CST7: variants seen among roughly 807,000 people sequenced by gnomAD.
CST7 encodes cystatin-F.
CST7 carries 15 observed loss-of-function variants against 13.1 expected under a neutral mutation model. The observed-to-expected ratio is 1.14, with a 90% confidence interval of 0.77 to 1.76. The LOEUF is 1.76. Ranked by LOEUF, CST7 falls within the 40% of genes most tolerant of loss-of-function variation. The pLI is 0.00. For missense variants in CST7, 193 were observed against 178.8 expected, an observed-to-expected ratio of 1.08 and a Z score of -0.45; for synonymous variants, 75 against 66.9, an observed-to-expected ratio of 1.12 and a Z score of -0.59.
chr20:24,953,334 G>C (rs765172370), intron 1 of CST7, among the ~76,000 whole-genome samples: 19 of 152,182 alleles, frequency 1.2e-4, no homozygotes, highest in Admixed American at 2.6e-4. Context: ...CTCGATAGCT[G>C]GAAGGGGCAG....
chr20:24,949,371 C>T lies in CST7; in HGVS notation c.-135C>T. 1 of 1,573,264 alleles carries T rather than the reference C, an allele frequency of 6.4e-7. No individual in the cohort carries two copies. The highest frequency in any genetic ancestry group is 8.6e-7 in the Non-Finnish European group (1 of 1,158,136). The stretch of plus-strand genomic sequence containing the variant: ...ATTGGCACGGGCACAGACCACTGCC[C>T]CCACCTGCCCTGCGCCATCTACCCA... On this transcript the variant is annotated 5_prime_UTR_variant, in exon 1 of 4. Transcript: ENST00000480798.
At chr20:24,957,237 G>A (rs1369833824) in intron 1 of CST7, 50 bp from the exon 2 acceptor site, 5 of 1,579,750 alleles carry the variant, frequency 3.2e-6, no homozygotes, top group Admixed American at 3.5e-5. Context: ...CACCTGGACT[G>A]AAGGCCCCAC....
intron 1 of CST7, among the ~76,000 whole-genome samples, chr20:24,954,466 C>T (rs531018780): frequency 5.3e-5 from 8 of 152,364 alleles, no homozygotes; most frequent in African/African-American, 1.9e-4. Flanking sequence ...TGCTTGTTTT[C>T]TTCCCTGAAG....
intron 1 of CST7, among the ~76,000 whole-genome samples, chr20:24,954,880 A>C (rs1194402423): frequency 6.6e-6 from 1 of 152,188 alleles, no homozygotes; most frequent in East Asian, 1.9e-4. Flanking sequence ...GGTTAGCTTT[A>C]AGATATTAAA....
intron 1 of CST7, among the ~76,000 whole-genome samples, chr20:24,954,568 T>C (rs1182046440): frequency 1.3e-5 from 2 of 152,260 alleles, no homozygotes; most frequent in Non-Finnish European, 2.9e-5. Context: ...GGTTTGACTT[T>C]TAAACAATTT....
rs1442301865 is a variant in CST7 at position 24,949,327 on chromosome 20, C to T, written c.-179C>T. 1.2e-5 allele frequency: 19 copies of T among 1,522,886 alleles called. No homozygotes were observed. In the East Asian group the frequency reaches 4.1e-4, roughly 33 times the overall value. The allele number at this position is 1,522,886 out of a possible 1,614,324, so 94.3% of individuals were successfully genotyped here. ...GGCACAAACCATTGCCCGGCACTGG[C>T]CCGTGCTGCCTGAGAAGGATTGGCA... On this transcript the variant is annotated 5_prime_UTR_variant, in exon 1 of 4. Coordinates refer to ENST00000480798, the MANE Select transcript of CST7 (RefSeq NM_003650.4).
At chr20:24,949,872 C>A (rs1161964731) in intron 1 of CST7, among the ~76,000 whole-genome samples, 1 of 152,222 alleles carries the variant, frequency 6.6e-6, no homozygotes, top group African/African-American at 2.4e-5. Context: ...CTAAGTAAGG[C>A]AGGTCTCCCG....
At chr20:24,954,660 A>G (rs2087842040) in intron 1 of CST7, among the ~76,000 whole-genome samples, 1 of 152,210 alleles carries the variant, frequency 6.6e-6, no homozygotes, top group African/African-American at 2.4e-5. Flanking sequence ...CCTACATTTT[A>G]GGAAACATGT....
At chr20:24,953,890 G>A (rs928090509) in intron 1 of CST7, among the ~76,000 whole-genome samples, 2 of 152,190 alleles carry the variant, frequency 1.3e-5, no homozygotes, top group South Asian at 2.1e-4. Context: ...ACGTCATCGC[G>A]GCCATCACCA....
chr20:24,949,684 AC>A, intron 1 of CST7, 109 bp downstream of exon 1: 1 of 1,417,630 alleles, frequency 7.1e-7, no homozygotes, highest in Non-Finnish European at 9.6e-7. Flanking sequence ...CCCCCACAGG[AC>A]CATGCGGTGG....
chr20:24,958,735 G>T (rs1222252315), intron 2 of CST7, among the ~76,000 whole-genome samples, 193 bp from the exon 3 acceptor site: 3 of 152,140 alleles, frequency 2.0e-5, no homozygotes, highest in South Asian at 2.1e-4. Context: ...CACAAACCCA[G>T]CACGGGGCAG....
chr20:24,953,538 G>A (rs1002484324), intron 1 of CST7, among the ~76,000 whole-genome samples: 3 of 152,150 alleles, frequency 2.0e-5, no homozygotes, highest in African/African-American at 7.2e-5. Context: ...AACCTTAGGG[G>A]ACAGTTTCAT....
At chr20:24,958,229 T>C (rs536461370) in intron 2 of CST7, among the ~76,000 whole-genome samples, 43 of 152,168 alleles carry the variant, frequency 2.8e-4, no homozygotes, top group African/African-American at 1.0e-3. Context: ...CGTGGGTGTG[T>C]AGCCAGGGTC....
chr20:24,949,773 G>A (rs1400117257), intron 1 of CST7, among the ~76,000 whole-genome samples, 198 bp downstream of exon 1: 1 of 152,218 alleles, frequency 6.6e-6, no homozygotes, highest in African/African-American at 2.4e-5. Flanking sequence ...CAGGCTACAG[G>A]GATGAAGGGT....
intron 1 of CST7, among the ~76,000 whole-genome samples, chr20:24,950,862 G>A (rs2087814873): frequency 6.6e-6 from 1 of 152,208 alleles, no homozygotes; most frequent in South Asian, 2.1e-4. Flanking sequence ...GCAGGGAAGA[G>A]AGGCAAGTTC....
intron 1 of CST7, among the ~76,000 whole-genome samples, chr20:24,954,106 CCTGT>C (rs567865793): frequency 2.1e-3 from 326 of 152,236 alleles, no homozygotes; most frequent in African/African-American, 7.6e-3. Flanking sequence ...GTGGGCGGGG[CCTGT>C]CTTAGAGTCC....
chr20:24,950,827 C>T (rs2087814675), intron 1 of CST7, among the ~76,000 whole-genome samples: 1 of 152,304 alleles, frequency 6.6e-6, no homozygotes, highest in African/African-American at 2.4e-5. Flanking sequence ...CCTGCCCCTT[C>T]GTGTCTCCAA....
At chr20:24,950,228 G>A (rs1245071858) in intron 1 of CST7, among the ~76,000 whole-genome samples, 1 of 152,228 alleles carries the variant, frequency 6.6e-6, no homozygotes, top group Admixed American at 6.5e-5. Flanking sequence ...GATACTGATG[G>A]GGACTTGGGA....
At chr20:24,949,606 G>A (rs372972699) in intron 1 of CST7, 31 bp downstream of exon 1, 97 of 1,612,140 alleles carry the variant, frequency 6.0e-5, no homozygotes, top group Admixed American at 2.5e-4. Context: ...TCCGCTCCCC[G>A]GGGGTCTCTC....
Sources: allele counts gnomAD v4.1 joint callset (sites outside exome capture counted in the v4.1 genomes callset), GRCh38; gene constraint gnomAD v4.1.1; transcripts MANE v1.5; gene names NCBI Gene and HGNC (gene_info 2026-07-23, HGNC 2026-07-21).